The following GRAMD1B variants were observed in gnomAD, a reference collection of about 807,000 sequenced individuals.
GRAMD1B encodes the protein protein Aster-B.
Under a neutral mutation model 99.7 loss-of-function variants are expected in GRAMD1B, and 37 were observed. The observed-to-expected ratio is 0.37, with a 90% CI of 0.29 to 0.49. The LOEUF (loss-of-function observed/expected upper bound fraction) is 0.49. Among genes scored for constraint, GRAMD1B ranks in the 20% least tolerant of loss-of-function variants. The pLI, the probability that GRAMD1B is intolerant of heterozygous loss-of-function variation, is 0.98. For synonymous variants in GRAMD1B, 427 were observed against 387.6 expected (o/e 1.10, Z -1.19); for missense variants, 888 against 1,009.2 (o/e 0.88, Z 1.63).
chr11:123,363,073 C>T (rs962830277), intron 1 of GRAMD1B, among the ~76,000 whole-genome samples: 1 of 151,976 alleles, frequency 6.6e-6, no homozygotes, highest in Non-Finnish European at 1.5e-5. Flanking sequence ...GGGAAAAGAG[C>T]AGAAGATAAG....
At chr11:123,409,419 A>C (rs1947963492) in intron 1 of GRAMD1B, among the ~76,000 whole-genome samples, 1 of 152,172 alleles carries the variant, frequency 6.6e-6, no homozygotes, top group Admixed American at 6.5e-5. Context: ...CAGTCATCTC[A>C]TCTGATCTCT....
intron 1 of GRAMD1B, among the ~76,000 whole-genome samples, chr11:123,416,761 A>T (rs1468877168): frequency 1.3e-5 from 2 of 152,246 alleles, no homozygotes; most frequent in African/African-American, 4.8e-5. Context: ...ACATGATTGC[A>T]GACATAAAAA....
intron 17 of GRAMD1B, among the ~76,000 whole-genome samples, chr11:123,617,169 C>CTTTTTTTTTTTTTT (rs34788392): frequency 2.1e-4 from 28 of 133,664 alleles, no homozygotes; most frequent in Middle Eastern, 3.9e-3. Context: ...TCTTTCTTTC[C>CTTTTTTTTTTTTTT]TTTTTTTTTT....
intron 2 of GRAMD1B, among the ~76,000 whole-genome samples, chr11:123,548,823 G>T (rs981725906): frequency 2.0e-5 from 3 of 152,098 alleles, no homozygotes; most frequent in Admixed American, 2.0e-4. Context: ...TGCCTAGGCT[G>T]GTCTCAAACT....
intron 1 of GRAMD1B, among the ~76,000 whole-genome samples, chr11:123,441,850 G>A (rs904592943): frequency 2.6e-5 from 4 of 152,090 alleles, no homozygotes; most frequent in South Asian, 2.1e-4. Flanking sequence ...GAAATATCCC[G>A]ACTATATCAA....
intron 2 of GRAMD1B, among the ~76,000 whole-genome samples, chr11:123,562,450 C>A (rs1946877640): frequency 6.6e-6 from 1 of 152,208 alleles, no homozygotes; most frequent in Non-Finnish European, 1.5e-5. Flanking sequence ...CTACTCAATT[C>A]TGCTTTGCAC....
chr11:123,595,891 A>G, intron 6 of GRAMD1B, 51 bp from the exon 7 acceptor site: 1 of 1,008,958 alleles, frequency 9.9e-7, no homozygotes, highest in Non-Finnish European at 1.5e-6. Context: ...TACCTGACTT[A>G]CTAATGCCCC....
chr11:123,578,471 G>A, intron 3 of GRAMD1B: 2 of 1,428,772 alleles, frequency 1.4e-6, no homozygotes, highest in Non-Finnish European at 1.9e-6. Flanking sequence ...CTCCCCTCTA[G>A]TGTCGATCTG....
At chr11:123,477,489 T>G (rs1055672058) in intron 1 of GRAMD1B, among the ~76,000 whole-genome samples, 5 of 151,964 alleles carry the variant, frequency 3.3e-5, no homozygotes, top group Admixed American at 3.3e-4. Flanking sequence ...TTAAGGCATC[T>G]TTCAGTCATC....
chr11:123,527,148 C>T (rs1049326492), intron 2 of GRAMD1B, among the ~76,000 whole-genome samples: 1 of 152,136 alleles, frequency 6.6e-6, no homozygotes, highest in African/African-American at 2.4e-5. Context: ...AGGATGAGTC[C>T]TGCCTTCATT....
At chr11:123,463,725 G>T (rs892013829) in intron 1 of GRAMD1B, among the ~76,000 whole-genome samples, 2 of 152,174 alleles carry the variant, frequency 1.3e-5, no homozygotes, top group Non-Finnish European at 2.9e-5. Context: ...GTGACACAGC[G>T]CCCAATAGGC....
chr11:123,623,448 C>T lies in GRAMD1B; in HGVS notation c.*853C>T, dbSNP rs928365341. 2 of 152,164 alleles carry T rather than the reference C, an allele frequency of 1.3e-5. No homozygotes were observed. Among genetic ancestry groups the T allele is most frequent in the African/African-American group, 2.4e-5 (1 of 41,424 alleles). The allele number at this position is 152,164 out of a possible 1,614,324, so 9.4% of individuals were successfully genotyped here. A position where few individuals can be genotyped will look rare whatever the true frequency, so the allele number is the denominator to read the frequency against. On this transcript the variant is annotated 3_prime_UTR_variant, in exon 20 of 20. Coordinates refer to ENST00000635736, the MANE Select transcript of GRAMD1B (RefSeq NM_001387025.1). The stretch of plus-strand genomic sequence containing the variant: ...TTTATTAGCCAGGGTGGAGCGTTTT[C>T]GACCTTATTAAACCTCTTTTAGTGC...
At chr11:123,364,939 C>A (rs1946268184) in intron 1 of GRAMD1B, among the ~76,000 whole-genome samples, 1 of 152,108 alleles carries the variant, frequency 6.6e-6, no homozygotes, top group Admixed American at 6.5e-5. Flanking sequence ...GCATGGTTAA[C>A]CCTGTCATGA....
At chr11:123,592,362 C>T (rs907265002) in intron 4 of GRAMD1B, among the ~76,000 whole-genome samples, 6 of 152,222 alleles carry the variant, frequency 3.9e-5, no homozygotes, top group Admixed American at 3.9e-4. Context: ...GACTGCCTCA[C>T]TCATATTCCA....
chr11:123,543,237 G>C (rs1944725705), intron 2 of GRAMD1B, among the ~76,000 whole-genome samples: 1 of 152,228 alleles, frequency 6.6e-6, no homozygotes, highest in African/African-American at 2.4e-5. Flanking sequence ...AACCAAGGTA[G>C]AGGTGAAATG....
chr11:123,606,758 C>G lies in GRAMD1B; in HGVS notation c.1473C>G (p.Ile491Met), dbSNP rs1317231120. Residue 491 changes from isoleucine to methionine, a missense_variant, in exon 11 of 20, where the codon ATC becomes ATG. Coordinates refer to ENST00000635736, the MANE Select transcript of GRAMD1B (RefSeq NM_001387025.1). ...TGGACTTCAATGACAATGAGGACATCCCCACTGAGCTCAGTGACTCTTCCG... is the reference window on the plus strand; with the variant it reads ...TGGACTTCAATGACAATGAGGACATGCCCACTGAGCTCAGTGACTCTTCCG... Reference protein sequence around the residue: ...PSLDFNDNEDIPTELSDSSDT... With the variant: ...PSLDFNDNEDMPTELSDSSDT... The G allele has an allele frequency of 1.2e-6, 2 of 1,613,620 alleles. No individual in the cohort carries two copies. The highest frequency in any genetic ancestry group is 1.7e-6 in the Non-Finnish European group (2 of 1,179,744).
intron 1 of GRAMD1B, among the ~76,000 whole-genome samples, chr11:123,437,579 C>T (rs1949218370): frequency 6.6e-6 from 1 of 152,154 alleles, no homozygotes. Flanking sequence ...CATAACACAC[C>T]TACCCCCGTC....
chr11:123,526,705 C>T (rs899773620), intron 2 of GRAMD1B, among the ~76,000 whole-genome samples: 2 of 152,086 alleles, frequency 1.3e-5, no homozygotes, highest in African/African-American at 2.4e-5. Flanking sequence ...TGTCCAGAGG[C>T]GAGTGGACCG....
At chr11:123,473,256 G>A (rs1416790199) in intron 1 of GRAMD1B, among the ~76,000 whole-genome samples, 2 of 152,180 alleles carry the variant, frequency 1.3e-5, no homozygotes, top group African/African-American at 4.8e-5. Context: ...TAGAGACGGG[G>A]TTTCACCATG....
Sources: gnomAD v4.1 joint callset for allele counts (sites outside exome capture counted in the v4.1 genomes callset) on GRCh38, gnomAD v4.1.1 for gene constraint, MANE v1.5 for transcripts, NCBI Gene and HGNC (gene_info 2026-07-23, HGNC 2026-07-21) for gene names.